DNAH7: variants seen among roughly 807,000 people sequenced by gnomAD.
DNAH7 encodes the protein axonemal beta dynein heavy chain 7.
Under a neutral mutation model 444.6 loss-of-function variants are expected in DNAH7, and 397 were observed. The ratio of observed to expected loss-of-function variants is 0.89; its 90% CI spans 0.82 to 0.97. The LOEUF (loss-of-function observed/expected upper bound fraction) is 0.97. DNAH7 is among the 50% of genes least tolerant of loss of function. The probability of loss-of-function intolerance (pLI) is 0.00; values close to 1 mark genes in which losing one functional copy is unlikely to be tolerated. For synonymous variants in DNAH7, 1,636 were observed against 1,624.4 expected (o/e 1.01, Z -0.17); for missense variants, 4,902 against 4,800.8 (o/e 1.02, Z -0.62).
intron 10 of DNAH7, among the ~76,000 whole-genome samples, chr2:196,007,701 G>A (rs764838807): frequency 3.3e-5 from 5 of 152,130 alleles, no homozygotes; most frequent in Admixed American, 6.6e-5. Flanking sequence ...TTTTATAAAT[G>A]TGAGTTCCCC....
At chr2:195,998,859 T>A in intron 12 of DNAH7, 1 of 408,534 alleles carries the variant, frequency 2.4e-6, no homozygotes, top group Non-Finnish European at 4.3e-6. Context: ...AAAGCTGACT[T>A]TATCTTTTAT....
chr2:195,967,900 T>G (rs918776066), intron 17 of DNAH7, among the ~76,000 whole-genome samples: 2 of 152,240 alleles, frequency 1.3e-5, no homozygotes, highest in African/African-American at 2.4e-5. Context: ...TGGTGTTCTA[T>G]TCTACTAAGC....
At chr2:195,869,834 T>C (rs919341927) in intron 40 of DNAH7, among the ~76,000 whole-genome samples, 2 of 152,190 alleles carry the variant, frequency 1.3e-5, no homozygotes, top group Non-Finnish European at 2.9e-5. Context: ...AGGGTGCTAA[T>C]ACAAGGTTTT....
chr2:195,739,324 G>C (rs1301724834), intron 64 of DNAH7, among the ~76,000 whole-genome samples: 1 of 152,164 alleles, frequency 6.6e-6, no homozygotes, highest in African/African-American at 2.4e-5. Context: ...ACCCCTCACT[G>C]ATCCTGTTAC....
chr2:196,038,591 G>T (rs1387406257), intron 5 of DNAH7, among the ~76,000 whole-genome samples: 1 of 152,044 alleles, frequency 6.6e-6, no homozygotes, highest in African/African-American at 2.4e-5. Context: ...CTGCTGACAA[G>T]AAACTCACTT....
chr2:195,898,682 TG>T (rs1448299477), intron 28 of DNAH7, among the ~76,000 whole-genome samples: 1 of 152,204 alleles, frequency 6.6e-6, no homozygotes, highest in African/African-American at 2.4e-5. Flanking sequence ...TGCTGCTGGC[TG>T]CACGCCCAGA....
chr2:195,821,466 A>C (rs1697467177), intron 49 of DNAH7, among the ~76,000 whole-genome samples: 1 of 152,200 alleles, frequency 6.6e-6, no homozygotes, highest in South Asian at 2.1e-4. Flanking sequence ...CTTCTTAGAA[A>C]GAAACATCTA....
intron 18 of DNAH7, among the ~76,000 whole-genome samples, 184 bp downstream of exon 18, chr2:195,960,076 A>G (rs1346477885): frequency 1.3e-5 from 2 of 152,224 alleles, no homozygotes; most frequent in South Asian, 2.1e-4. Flanking sequence ...ATATCTTTAA[A>G]TATTTAAAGA....
At chr2:196,054,437 G>T (rs1338909836) in intron 2 of DNAH7, among the ~76,000 whole-genome samples, 1 of 152,108 alleles carries the variant, frequency 6.6e-6, no homozygotes, top group East Asian at 1.9e-4. Context: ...AGGGAGGATT[G>T]CTTGAGCACA....
intron 14 of DNAH7, 115 bp downstream of exon 14, chr2:195,986,951 C>A: frequency 1.1e-6 from 1 of 946,706 alleles, no homozygotes; most frequent in East Asian, 2.7e-5. Context: ...TTAGCATAAT[C>A]ATTTCTTTGG....
intron 46 of DNAH7, among the ~76,000 whole-genome samples, chr2:195,848,306 G>T (rs184141295): frequency 5.3e-5 from 8 of 152,368 alleles, no homozygotes; most frequent in African/African-American, 1.9e-4. Flanking sequence ...AACTGGGTCT[G>T]TATGGTGTTC....
At chr2:196,006,494 T>C (rs1195337335) in intron 10 of DNAH7, among the ~76,000 whole-genome samples, 1 of 151,688 alleles carries the variant, frequency 6.6e-6, no homozygotes, top group Non-Finnish European at 1.5e-5. Flanking sequence ...TAAAAAACCA[T>C]ATCTGCTCTT....
intron 15 of DNAH7, among the ~76,000 whole-genome samples, chr2:195,975,330 G>A (rs528106212): frequency 6.6e-6 from 1 of 152,100 alleles, no homozygotes; most frequent in Non-Finnish European, 1.5e-5. Flanking sequence ...ACTCGGTGCT[G>A]CCAACATGCA....
intron 8 of DNAH7, among the ~76,000 whole-genome samples, chr2:196,022,118 C>A (rs1695419083): frequency 6.6e-6 from 1 of 152,104 alleles, no homozygotes; most frequent in Non-Finnish European, 1.5e-5. Context: ...GAGAGTGAGA[C>A]CCTGTCTCGG....
intron 39 of DNAH7, among the ~76,000 whole-genome samples, chr2:195,872,797 T>C (rs914520003): frequency 2.0e-5 from 3 of 152,052 alleles, no homozygotes; most frequent in African/African-American, 4.8e-5. Context: ...ACTAGACAAG[T>C]ATTTCCCGAC....
intron 29 of DNAH7, among the ~76,000 whole-genome samples, chr2:195,895,472 G>T (rs1295581178): frequency 6.6e-6 from 1 of 152,032 alleles, no homozygotes; most frequent in Non-Finnish European, 1.5e-5. Context: ...GACAGGGTCT[G>T]GCTCTTGCTC....
chr2:195,824,161 T>A, intron 49 of DNAH7, 94 bp downstream of exon 49: 1 of 1,226,462 alleles, frequency 8.2e-7, no homozygotes, highest in Admixed American at 2.7e-5. Context: ...AAATCCGTTT[T>A]TCTTAGGAAG....
intron 12 of DNAH7, chr2:195,995,629 C>G (rs1031188677): frequency 3.8e-6 from 1 of 261,700 alleles, no homozygotes; most frequent in African/African-American, 2.3e-5. Flanking sequence ...GCCAAACAGA[C>G]CAGTGGTGTG....
intron 8 of DNAH7, among the ~76,000 whole-genome samples, chr2:196,023,573 G>C (rs1193124578): frequency 6.6e-6 from 1 of 152,138 alleles, no homozygotes; most frequent in Non-Finnish European, 1.5e-5. Flanking sequence ...AGAGAGTTAG[G>C]GCTTTGCTCT....
Sources: allele counts gnomAD v4.1 joint callset (sites outside exome capture counted in the v4.1 genomes callset), GRCh38; gene constraint gnomAD v4.1.1; transcripts MANE v1.5; gene names NCBI Gene and HGNC (gene_info 2026-07-23, HGNC 2026-07-21).